The following MGAT4C variants were observed in gnomAD, a reference collection of about 807,000 sequenced individuals.
MGAT4C encodes the protein alpha-1,3-mannosyl-glycoprotein 4-beta-N-acetylglucosaminyltransferase C.
A neutral mutation model predicts 40.1 loss-of-function variants in MGAT4C; 19 were observed. The observed-to-expected ratio is 0.47, with a 90% CI of 0.33 to 0.70. The LOEUF (loss-of-function observed/expected upper bound fraction) is 0.70, where lower values mean the gene tolerates loss of function less well. Among genes scored for constraint, MGAT4C ranks in the 30% least tolerant of loss-of-function variants. MGAT4C has a pLI of 0.02. For missense variants in MGAT4C, 491 were observed against 563.2 expected (o/e 0.87, Z 1.30); for synonymous variants, 181 against 187.1 (o/e 0.97, Z 0.27).
chr12:86,292,092 G>A (rs1236382476), intron 4 of MGAT4C, among the ~76,000 whole-genome samples: 3 of 152,136 alleles, frequency 2.0e-5, no homozygotes, highest in African/African-American at 4.8e-5. Flanking sequence ...GATTGTAGGA[G>A]CCTGTTGTTA....
At chr12:86,131,627 T>G (rs970400804) in intron 1 of MGAT4C, among the ~76,000 whole-genome samples, 3 of 152,118 alleles carry the variant, frequency 2.0e-5, no homozygotes, top group African/African-American at 2.4e-5. Flanking sequence ...TTTTACTGGC[T>G]TTATGTCATT....
intron 3 of MGAT4C, among the ~76,000 whole-genome samples, chr12:86,359,509 A>T (rs1014049566): frequency 6.6e-5 from 10 of 152,140 alleles, no homozygotes; most frequent in Non-Finnish European, 1.3e-4. Context: ...AGACATAAAA[A>T]AAAAACCCTT....
At chr12:86,528,772 A>G (rs1958928143) in intron 2 of MGAT4C, among the ~76,000 whole-genome samples, 1 of 152,028 alleles carries the variant, frequency 6.6e-6, no homozygotes, top group Non-Finnish European at 1.5e-5. Flanking sequence ...TTGTTCATAT[A>G]TTTATTTTCC....
intron 1 of MGAT4C, among the ~76,000 whole-genome samples, chr12:86,207,506 T>C (rs1390993539): frequency 1.3e-5 from 2 of 152,068 alleles, no homozygotes; most frequent in Admixed American, 6.6e-5. Flanking sequence ...TGTTCTACAC[T>C]ATGCATTTTG....
chr12:86,798,702 C>T (rs761326526), intron 1 of MGAT4C, among the ~76,000 whole-genome samples: 1 of 151,758 alleles, frequency 6.6e-6, no homozygotes. Flanking sequence ...TGTAATAATG[C>T]TTGAATGCTG....
chr12:86,128,992 T>A (rs1880755506), intron 1 of MGAT4C, among the ~76,000 whole-genome samples: 1 of 152,152 alleles, frequency 6.6e-6, no homozygotes, highest in South Asian at 2.1e-4. Flanking sequence ...AGTATTTGGG[T>A]TTACTTCTAG....
At chr12:86,448,331 G>C (rs1957372803) in intron 2 of MGAT4C, among the ~76,000 whole-genome samples, 1 of 152,012 alleles carries the variant, frequency 6.6e-6, no homozygotes, top group Admixed American at 6.6e-5. Flanking sequence ...CTAATTTCTT[G>C]CTTCAGAGTT....
intron 1 of MGAT4C, among the ~76,000 whole-genome samples, chr12:86,115,397 T>C (rs1878243134): frequency 6.6e-6 from 1 of 152,008 alleles, no homozygotes; most frequent in Admixed American, 6.6e-5. Flanking sequence ...GATAATTTAA[T>C]GATACAATAC....
chr12:86,128,765 GT>G (rs908721837), intron 1 of MGAT4C, among the ~76,000 whole-genome samples: 97 of 152,006 alleles, frequency 6.4e-4, no homozygotes, highest in African/African-American at 2.1e-3. Context: ...AGTATTATGG[GT>G]TTTTTTCAAT....
intron 1 of MGAT4C, among the ~76,000 whole-genome samples, chr12:86,801,039 C>T (rs1952216388): frequency 6.6e-6 from 1 of 151,930 alleles, no homozygotes; most frequent in African/African-American, 2.4e-5. Flanking sequence ...TAACTAGAAC[C>T]TTGACCTCCA....
chr12:86,239,341 GA>G (rs1333779353), intron 1 of MGAT4C, among the ~76,000 whole-genome samples: 1 of 151,858 alleles, frequency 6.6e-6, no homozygotes, highest in Non-Finnish European at 1.5e-5. Context: ...AAATTACACA[GA>G]AATTTAATTT....
intron 4 of MGAT4C, among the ~76,000 whole-genome samples, chr12:86,290,951 G>T (rs1263632952): frequency 6.6e-6 from 1 of 152,198 alleles, no homozygotes; most frequent in South Asian, 2.1e-4. Context: ...AAGGAAGCTC[G>T]GAAAAAGGTA....
intron 1 of MGAT4C, among the ~76,000 whole-genome samples, chr12:86,147,917 A>G (rs974890739): frequency 2.0e-5 from 3 of 152,244 alleles, no homozygotes; most frequent in African/African-American, 7.2e-5. Context: ...CTCTAAGACA[A>G]TATTTGAGAG....
At chr12:86,388,375 T>C (rs141820321) in intron 3 of MGAT4C, among the ~76,000 whole-genome samples, 2 of 150,320 alleles carry the variant, frequency 1.3e-5, no homozygotes, top group African/African-American at 5.0e-5. Flanking sequence ...CAATATTTTA[T>C]TTTGTACAAT....
At chr12:86,012,297 C>T (rs1028954730) in intron 2 of MGAT4C, among the ~76,000 whole-genome samples, 1 of 152,132 alleles carries the variant, frequency 6.6e-6, no homozygotes, top group East Asian at 1.9e-4. Context: ...AGTTTCTGAT[C>T]CAAGGCTATT....
intron 4 of MGAT4C, among the ~76,000 whole-genome samples, chr12:86,282,148 G>A (rs1188570831): frequency 6.6e-6 from 1 of 152,006 alleles, no homozygotes; most frequent in Non-Finnish European, 1.5e-5. Context: ...AAGATGTTTT[G>A]CCATGAAGTA....
At chr12:86,018,476 G>GC (rs1889317208) in intron 2 of MGAT4C, among the ~76,000 whole-genome samples, 1 of 152,018 alleles carries the variant, frequency 6.6e-6, no homozygotes, top group Non-Finnish European at 1.5e-5. Flanking sequence ...TGTCCAATTT[G>GC]TTTTTTTACT....
intron 1 of MGAT4C, among the ~76,000 whole-genome samples, chr12:86,107,609 A>C (rs1259217498): frequency 6.6e-6 from 1 of 152,152 alleles, no homozygotes; most frequent in African/African-American, 2.4e-5. Flanking sequence ...TTAATTAGAG[A>C]ACAAAATGTA....
chr12:86,639,120 A>G, intron 2 of MGAT4C, among the ~76,000 whole-genome samples: 1 of 151,658 alleles, frequency 6.6e-6, no homozygotes, highest in East Asian at 1.9e-4. Flanking sequence ...ACCTTTTGGG[A>G]CACTCTGCTC....
Sources: allele counts gnomAD v4.1 joint callset (sites outside exome capture counted in the v4.1 genomes callset), GRCh38; gene constraint gnomAD v4.1.1; transcripts MANE v1.5; gene names NCBI Gene and HGNC (gene_info 2026-07-23, HGNC 2026-07-21).